Variants in PLD3 observed in about 807,000 individuals in gnomAD.
PLD3 encodes the protein phospholipase D family member 3.
PLD3 carries 31 observed loss-of-function variants against 58.4 expected under a neutral mutation model. The ratio of observed to expected loss-of-function variants is 0.53; its 90% confidence interval spans 0.40 to 0.72. PLD3 has a LOEUF of 0.72. Ranked by LOEUF, PLD3 falls within the 30% of genes least tolerant of loss-of-function variation. The pLI is 0.00. For synonymous variants in PLD3, 264 were observed against 273.4 expected (o/e 0.97, Z 0.34); for missense variants, 595 against 659.8 (o/e 0.90, Z 1.08).
chr19:40,369,813 C>A, intron 6 of PLD3, 95 bp from the exon 7 acceptor site: 2 of 1,196,746 alleles, frequency 1.7e-6, no homozygotes, highest in Non-Finnish European at 1.1e-6. Flanking sequence ...TCTGTTTACT[C>A]CTAATCATGT....
At chr19:40,360,509 G>T in intron 1 of PLD3, 1 of 151,224 alleles carries the variant, frequency 6.6e-6, no homozygotes, top group Non-Finnish European at 1.5e-5. Flanking sequence ...CACTTTGGGA[G>T]GCCGAGACAG....
At position 40,367,661 on chromosome 19, in the gene PLD3, GCACCGTATGGCTGATAGCATCCCC is replaced by G; in HGVS notation, c.246-30_246-7del. 6.4e-7 allele frequency: 1 copy of G among 1,570,698 alleles called. No individual in the cohort carries two copies. Among genetic ancestry groups the G allele is most frequent in the Non-Finnish European group, 8.7e-7 (1 of 1,149,646 alleles). ...CTCACCTCCCAGCCCTTGCTCTCCG[GCACCGTATGGCTGATAGCATCCCC>G]CACCCCCCAGAGCAGTGCTGGTGGA... is the stretch of plus-strand genomic sequence containing the variant. On this transcript the variant is annotated splice_polypyrimidine_tract_variant and intron_variant, in intron 5 of 12. Coordinates refer to ENST00000409735, the MANE Select transcript of PLD3 (RefSeq NM_012268.4).
intron 1 of PLD3, among the ~76,000 whole-genome samples, chr19:40,350,064 C>T (rs2078460220): frequency 6.6e-6 from 1 of 151,138 alleles, no homozygotes; most frequent in South Asian, 2.1e-4. Flanking sequence ...AGTTCGAGAC[C>T]AGCCTGACCA....
chr19:40,370,108 A>G lies in PLD3; in HGVS notation c.551-2A>G. ...CCTGATCTCTGCCCCTGCTGGTCACAGGTGCCCAGGTCCGCATGGTGGACA... is the reference window on the plus strand; with the variant it reads ...CCTGATCTCTGCCCCTGCTGGTCACGGGTGCCCAGGTCCGCATGGTGGACA... On this transcript the variant is annotated splice_acceptor_variant, in intron 7 of 12. Coordinates refer to ENST00000409735, the MANE Select transcript of PLD3 (RefSeq NM_012268.4). LOFTEE classifies it high-confidence loss of function. The G allele has an allele frequency of 6.2e-7, 1 of 1,608,222 alleles. No homozygotes were observed. Among genetic ancestry groups the G allele is most frequent in the Non-Finnish European group, 8.5e-7 (1 of 1,177,470 alleles).
chr19:40,369,781 A>G lies in PLD3; in HGVS notation c.430-127A>G, dbSNP rs578141658. 28 of 804,746 alleles carry G rather than the reference A, an allele frequency of 3.5e-5. No individual in the cohort carries two copies. In the South Asian group the frequency reaches 5.3e-4, roughly 15 times the overall value. The allele number at this position is 804,746 out of a possible 1,614,324, so 49.9% of individuals were successfully genotyped here. A position where few individuals can be genotyped will look rare whatever the true frequency, so the allele number is the denominator to read the frequency against. On this transcript the variant is annotated intron_variant, in intron 6 of 12. Coordinates refer to ENST00000409735, the MANE Select transcript of PLD3 (RefSeq NM_012268.4). ...AATATTTTAATCTGTAAAGTCTTTAATCTATGCAGGCTAATGTAAAGTCTG... is the reference window on the plus strand; with the variant it reads ...AATATTTTAATCTGTAAAGTCTTTAGTCTATGCAGGCTAATGTAAAGTCTG...
chr19:40,369,855 G>A, intron 6 of PLD3, 53 bp from the exon 7 acceptor site: 2 of 1,492,976 alleles, frequency 1.3e-6, no homozygotes, highest in Non-Finnish European at 1.8e-6. Context: ...ATTACCTTGT[G>A]GGGTTGGAGA....
At chr19:40,363,288 A>C (rs2078831360) in intron 1 of PLD3, among the ~76,000 whole-genome samples, 1 of 151,834 alleles carries the variant, frequency 6.6e-6, no homozygotes, top group South Asian at 2.1e-4. Flanking sequence ...CATTTCCTGC[A>C]CTCCCTCCTG....
rs927606080 is a variant in PLD3, at chr19:40,378,178, C to G, written c.*5C>G. ...AACGCCTGCCGCCTGCTCTGAGGCC[C>G]GATCCAGTGGGCAGGCCAAGGCCTG... On this transcript the variant is annotated 3_prime_UTR_variant, in exon 13 of 13. Transcript: ENST00000409735. 1 of 1,604,306 alleles carries G rather than the reference C, an allele frequency of 6.2e-7. No individual in the cohort carries two copies. Among genetic ancestry groups the G allele is most frequent in the African/African-American group, 1.3e-5 (1 of 74,734 alleles).
intron 1 of PLD3, among the ~76,000 whole-genome samples, chr19:40,351,680 G>A (rs2145655897): frequency 6.6e-6 from 1 of 152,336 alleles, no homozygotes; most frequent in East Asian, 1.9e-4. Context: ...AGGTCAGTGA[G>A]AGAGGAGAGG....
rs755491519 is a variant in PLD3 at position 40,377,767 on chromosome 19, A to T, written c.1186-19A>T. On this transcript the variant is annotated intron_variant, in intron 11 of 12. Transcript: ENST00000409735. Reference sequence around the variant, plus strand: ...CCCCCTGCCTCTCACACTCCTTCCCATCCTCCCCTCCCACTCAGAAACTCT... The same window carrying T: ...CCCCCTGCCTCTCACACTCCTTCCCTTCCTCCCCTCCCACTCAGAAACTCT... The T allele has an allele frequency of 1.2e-5, 19 of 1,597,424 alleles. No homozygotes were observed. The highest frequency in any genetic ancestry group is 1.5e-5 in the Non-Finnish European group (18 of 1,165,594).
Position 40,378,300 on chromosome 19 carries a change from T to A in PLD3, c.*127T>A. 1.1e-6 allele frequency: 1 copy of A among 879,492 alleles called. No individual in the cohort carries two copies. Among genetic ancestry groups the A allele is most frequent in the Non-Finnish European group, 1.9e-6 (1 of 533,910 alleles). The allele number at this position is 879,492 out of a possible 1,614,324, so 54.5% of individuals were successfully genotyped here. A position where few individuals can be genotyped will look rare whatever the true frequency, so the allele number is the denominator to read the frequency against. Reference sequence around the variant, plus strand: ...TTGTGGCTCCTCAGGCTCTCTCCCCTGCTCTCCCACCTCTACCTCCACCCC... The same window carrying A: ...TTGTGGCTCCTCAGGCTCTCTCCCCAGCTCTCCCACCTCTACCTCCACCCC... On this transcript the variant is annotated 3_prime_UTR_variant, in exon 13 of 13. Transcript: ENST00000409735.
intron 1 of PLD3, among the ~76,000 whole-genome samples, chr19:40,350,151 T>A (rs537281369): frequency 1.1e-4 from 17 of 148,614 alleles, no homozygotes; most frequent in African/African-American, 4.0e-4. Flanking sequence ...TCCCAGCTAC[T>A]CGGGAGGCTG....
At chr19:40,367,023 A>T in intron 5 of PLD3, 108 bp downstream of exon 5, 1 of 1,310,698 alleles carries the variant, frequency 7.6e-7, no homozygotes, top group South Asian at 1.5e-5. Context: ...GCTTGCGACA[A>T]GTGAGGAGGT....
chr19:40,363,225 T>A (rs2078830026), intron 1 of PLD3, among the ~76,000 whole-genome samples: 1 of 152,188 alleles, frequency 6.6e-6, no homozygotes, highest in South Asian at 2.1e-4. Context: ...CAACTCCATA[T>A]TCTTCAATAA....
chr19:40,355,138 C>G (rs1281220241), intron 1 of PLD3, among the ~76,000 whole-genome samples: 2 of 152,060 alleles, frequency 1.3e-5, no homozygotes, highest in Non-Finnish European at 2.9e-5. Context: ...CATGCCCGAC[C>G]CTGTTGTTAT....
Position 40,375,659 on chromosome 19 carries a change from A to G in PLD3, c.1020-950A>G, listed in dbSNP as rs866778455. Among the ~76,000 whole-genome samples the G allele has an allele frequency of 5.3e-5, 8 of 151,400 alleles. No individual in the cohort carries two copies. The South Asian group carries it at 1.2e-3, about 24-fold the overall frequency. ...AGCGAGACACCTTCTCAAAAAAAAA[A>G]AAAAGAAAAGAAAAAAAAAAAGAAG... On this transcript the variant is annotated intron_variant, in intron 10 of 12. Transcript: ENST00000409735.
chr19:40,366,527 G>A lies in PLD3; in HGVS notation c.27+17G>A. The A allele has an allele frequency of 6.2e-7, 1 of 1,611,536 alleles. No homozygotes were observed. Among genetic ancestry groups the A allele is most frequent in the South Asian group, 1.1e-5 (1 of 90,806 alleles). ...TACCAGGAGGTAGGTGGATTGGGGG[G>A]CTCAGCAGGGTGGAACTGGGTACAG... On this transcript the variant is annotated intron_variant, in intron 3 of 12. Transcript: ENST00000409735.
In PLD3 at chr19:40,378,204, C is replaced by T; in HGVS notation, c.*31C>T. On this transcript the variant is annotated 3_prime_UTR_variant, in exon 13 of 13. Transcript: ENST00000409735. ...GATCCAGTGGGCAGGCCAAGGCCTG[C>T]TGGGCCCCCGCGGACCCAGGTGCTC... The T allele has an allele frequency of 5.7e-6, 9 of 1,590,420 alleles. No homozygotes were observed. The highest frequency in any genetic ancestry group is 7.7e-6 in the Non-Finnish European group (9 of 1,167,490).
At chr19:40,376,486 G>A (rs778328662) in intron 10 of PLD3, 123 bp from the exon 11 acceptor site, 12 of 877,134 alleles carry the variant, frequency 1.4e-5, no homozygotes, top group East Asian at 2.5e-5. Context: ...GGGAGCCAGC[G>A]ATGAGGAAGT....
Sources: allele counts gnomAD v4.1 joint callset (sites outside exome capture counted in the v4.1 genomes callset), GRCh38; gene constraint gnomAD v4.1.1; transcripts MANE v1.5; gene names NCBI Gene and HGNC (gene_info 2026-07-23, HGNC 2026-07-21).